Variants in ICA1 observed in about 807,000 individuals in gnomAD.
ICA1 encodes 69 kDa islet cell autoantigen.
ICA1 carries 40 observed loss-of-function variants against 71.0 expected under a neutral mutation model. That is an observed-to-expected ratio of 0.56 (90% CI 0.44 to 0.73). ICA1 has a LOEUF of 0.73. Ranked by LOEUF, ICA1 falls within the 30% of genes least tolerant of loss-of-function variation. The pLI is 0.00. For missense variants in ICA1, 578 were observed against 576.5 expected (o/e 1.00, Z -0.03); for synonymous variants, 207 against 209.5 (o/e 0.99, Z 0.10).
chr7:8,144,352 G>A lies in ICA1; in HGVS notation c.805-380C>T, dbSNP rs574910767. Among the ~76,000 whole-genome samples the A allele has an allele frequency of 5.9e-5, 9 of 152,298 alleles. No homozygotes were observed. In the East Asian group the frequency reaches 1.5e-3, roughly 26 times the overall value. On this transcript the variant is annotated intron_variant, in intron 8 of 13. Coordinates refer to ENST00000402384, the MANE Select transcript of ICA1 (RefSeq NM_001136020.3). This position sits in a 1 kb window ranked among gnomAD's most constrained non-coding sequence, Gnocchi z 4.5. Reference sequence around the variant, plus strand: ...CTGTTCTGTTCGCAGCCCACACACTGACAAAGTAGAAGTTCCTCCCACCTC... The same window carrying A: ...CTGTTCTGTTCGCAGCCCACACACTAACAAAGTAGAAGTTCCTCCCACCTC...
At chr7:8,129,424 T>C (rs1790598675) in intron 12 of ICA1, among the ~76,000 whole-genome samples, 1 of 151,900 alleles carries the variant, frequency 6.6e-6, no homozygotes, top group African/African-American at 2.4e-5. Flanking sequence ...CTATTTTCAA[T>C]CACACTTTAC....
rs1270349976 is a variant in ICA1 at position 8,218,370 on chromosome 7, A to G, written c.514T>C (p.Trp172Arg). Residue 172 changes from tryptophan to arginine, a missense_variant, in exon 6 of 14, where the codon TGG becomes CGG. Transcript: ENST00000402384. ...AGCTCCTGAGACACGTCCTTCATCC[A>G]TAATAGTGCTCCTCTATATTCCGTC... is the stretch of plus-strand genomic sequence containing the variant. ...CRTEYRGALLWMKDVSQELDP... is the reference protein window; with the variant it reads ...CRTEYRGALLRMKDVSQELDP... 1 of 1,614,112 alleles carries G rather than the reference A, an allele frequency of 6.2e-7. No homozygotes were observed.
chr7:8,216,752 G>A (rs932137901), intron 6 of ICA1, among the ~76,000 whole-genome samples: 5 of 152,178 alleles, frequency 3.3e-5, no homozygotes, highest in Non-Finnish European at 7.3e-5. Context: ...CTCTCTTAGA[G>A]AAGAAAATTA....
At chr7:8,238,622 T>C (rs768127533) in intron 1 of ICA1, among the ~76,000 whole-genome samples, 1 of 152,246 alleles carries the variant, frequency 6.6e-6, no homozygotes, top group Non-Finnish European at 1.5e-5. Flanking sequence ...GTTGACTATT[T>C]CCTTTACTAT....
chr7:8,115,981 C>T (rs79121140), intron 13 of ICA1, among the ~76,000 whole-genome samples: 5,033 of 152,260 alleles, frequency 0.033, 104 homozygotes, highest in Middle Eastern at 0.058. Flanking sequence ...AACTTGGGGA[C>T]CACCCAACCA....
chr7:8,222,256 A>C lies in ICA1; in HGVS notation c.257-858T>G, dbSNP rs1273208201. 6.6e-6 allele frequency among the ~76,000 whole-genome samples: 1 copy of C among 152,182 alleles called. No homozygotes were observed. The highest frequency in any genetic ancestry group is 1.5e-5 in the Non-Finnish European group (1 of 68,032). On this transcript the variant is annotated intron_variant, in intron 4 of 13. Transcript: ENST00000402384. The surrounding 1 kb of genome is among the most constrained non-coding windows in gnomAD (Gnocchi z 4.8). ...ACTAGGAACTAGTTTAATAAAATAC[A>C]GCATACCCACATAATGGTACAGTGG...
chr7:8,133,284 ATTTC>A lies in ICA1; in HGVS notation c.1061-5146_1061-5143del, dbSNP rs530279448. Among the ~76,000 whole-genome samples the A allele has an allele frequency of 2.0e-5, 3 of 152,188 alleles. No individual in the cohort carries two copies. The East Asian group carries it at 5.8e-4, about 29-fold the overall frequency. The stretch of plus-strand genomic sequence containing the variant: ...CCTATAACTCTAAGAAATAAATTCC[ATTTC>A]TTTCTTTTCTTTTCTTGTTTTTTCT... On this transcript the variant is annotated intron_variant, in intron 12 of 13. Transcript: ENST00000402384.
chr7:8,218,521 G>A lies in ICA1; in HGVS notation c.381-18C>T. ...AGGCCAACCTAGACAAGAGGACAAA[G>A]CCACACTCTCAAAACTAAGCCAGTG... is the stretch of plus-strand genomic sequence containing the variant. On this transcript the variant is annotated intron_variant, in intron 5 of 13. Transcript: ENST00000402384. The A allele has an allele frequency of 1.2e-6, 2 of 1,610,906 alleles. No individual in the cohort carries two copies. Among genetic ancestry groups the A allele is most frequent in the Non-Finnish European group, 1.7e-6 (2 of 1,177,244 alleles).
At position 8,130,524 on chromosome 7, in the gene ICA1, T is replaced by A. The variant is rs1035491202; in HGVS notation, c.1061-2382A>T. On this transcript the variant is annotated intron_variant, in intron 12 of 13. Coordinates refer to ENST00000402384, the MANE Select transcript of ICA1 (RefSeq NM_001136020.3). This position sits in a 1 kb window ranked among gnomAD's most constrained non-coding sequence, Gnocchi z 4.2. ...GGAATGCCCAAACCCTTTCTTATAG[T>A]TTACTTTTTGCCCTGACTGAAACCA... Among the ~76,000 whole-genome samples, 2 of 152,232 alleles carry A rather than the reference T, an allele frequency of 1.3e-5. No individual in the cohort carries two copies. The highest frequency in any genetic ancestry group is 2.9e-5 in the Non-Finnish European group (2 of 68,034).
At chr7:8,248,900 T>A (rs763226295) in intron 1 of ICA1, among the ~76,000 whole-genome samples, 4 of 152,224 alleles carry the variant, frequency 2.6e-5, no homozygotes, top group Non-Finnish European at 4.4e-5. Flanking sequence ...TCATATTCTA[T>A]CATCACTGTG....
chr7:8,242,864 A>G (rs189363488), intron 1 of ICA1, among the ~76,000 whole-genome samples: 2 of 152,340 alleles, frequency 1.3e-5, no homozygotes, highest in Admixed American at 1.3e-4. Context: ...GACTAAAACC[A>G]GGAAGAAATT....
At chr7:8,137,993 G>A (rs1322549227) in intron 12 of ICA1, among the ~76,000 whole-genome samples, 2 of 152,184 alleles carry the variant, frequency 1.3e-5, no homozygotes, top group South Asian at 2.1e-4. Context: ...GCCAGGGCAG[G>A]CTGCATGCCA....
chr7:8,252,444 T>C (rs1478781312), intron 1 of ICA1, among the ~76,000 whole-genome samples: 1 of 152,132 alleles, frequency 6.6e-6, no homozygotes, highest in Admixed American at 6.5e-5. Flanking sequence ...CAACTTAAAT[T>C]TTCTTTTTAT....
intron 6 of ICA1, among the ~76,000 whole-genome samples, chr7:8,215,844 G>A (rs1487728349): frequency 6.6e-6 from 1 of 152,198 alleles, no homozygotes; most frequent in Non-Finnish European, 1.5e-5. Context: ...AGTCACTCCT[G>A]AGGAGCCACT....
chr7:8,142,029 A>G, intron 9 of ICA1: 1 of 1,466,052 alleles, frequency 6.8e-7, no homozygotes, highest in Non-Finnish European at 9.1e-7. Context: ...ATTTGCTTTC[A>G]TCTCGAGGCA....
chr7:8,131,199 CAAG>C, intron 12 of ICA1, among the ~76,000 whole-genome samples: 1 of 152,324 alleles, frequency 6.6e-6, no homozygotes, highest in East Asian at 1.9e-4. Context: ...GAAACAGCCT[CAAG>C]AAGTGGAGAG....
intron 8 of ICA1, among the ~76,000 whole-genome samples, chr7:8,148,367 G>A (rs1245983847): frequency 6.6e-6 from 1 of 151,944 alleles, no homozygotes; most frequent in East Asian, 1.9e-4. Flanking sequence ...GTCACTCACT[G>A]ATCCACCAAG....
intron 8 of ICA1, chr7:8,156,841 T>A: frequency 6.7e-7 from 1 of 1,489,936 alleles, no homozygotes; most frequent in African/African-American, 1.4e-5. Flanking sequence ...CCACAATTCA[T>A]CTCCCAGGAA....
At chr7:8,171,487 T>G (rs6945979) in intron 6 of ICA1, among the ~76,000 whole-genome samples, 61 of 151,934 alleles carry the variant, frequency 4.0e-4, no homozygotes, top group African/African-American at 1.4e-3. Context: ...AATGTCCTCC[T>G]TAATTCTAAG....
Sources: gnomAD v4.1 joint callset for allele counts (sites outside exome capture counted in the v4.1 genomes callset) on GRCh38, gnomAD v4.1.1 for gene constraint, Gnocchi (gnomAD v3.1) non-coding constraint, MANE v1.5 for transcripts, NCBI Gene and HGNC (gene_info 2026-07-23, HGNC 2026-07-21) for gene names.